The following PHTF2 variants were observed in gnomAD, a reference collection of about 807,000 sequenced individuals.
PHTF2 encodes protein PHTF2.
PHTF2 carries 60 observed loss-of-function variants against 101.2 expected under a neutral mutation model. The ratio of observed to expected loss-of-function variants is 0.59; its 90% confidence interval spans 0.48 to 0.73. The LOEUF (loss-of-function observed/expected upper bound fraction) is 0.73. Among genes scored for constraint, PHTF2 ranks in the 30% least tolerant of loss-of-function variants. The probability of loss-of-function intolerance (pLI) is 0.00; values close to 1 mark genes in which losing one functional copy is unlikely to be tolerated. For synonymous variants in PHTF2, 311 were observed against 307.3 expected (o/e 1.01, Z -0.13); for missense variants, 747 against 908.7 (o/e 0.82, Z 2.29).
chr7:77,900,002 A>AC (rs1801245639), intron 5 of PHTF2, among the ~76,000 whole-genome samples: 1 of 150,468 alleles, frequency 6.6e-6, no homozygotes, highest in South Asian at 2.1e-4. Context: ...TTTGATCTAC[A>AC]CCCCCCACTC....
At chr7:77,814,407 T>C (rs58932206) in intron 1 of PHTF2, among the ~76,000 whole-genome samples, 6,097 of 152,250 alleles carry the variant, frequency 0.04, 418 homozygotes, top group African/African-American at 0.14. Flanking sequence ...CTATAATTCA[T>C]GTCTGAATGA....
chr7:77,874,371 C>T (rs930384567), intron 3 of PHTF2, among the ~76,000 whole-genome samples: 1 of 152,072 alleles, frequency 6.6e-6, no homozygotes, highest in African/African-American at 2.4e-5. Context: ...GGTCAAGGTT[C>T]TCTAGAGGGA....
intron 3 of PHTF2, among the ~76,000 whole-genome samples, chr7:77,890,904 CTTTTTTT>C (rs11442975): frequency 2.2e-5 from 2 of 92,962 alleles, no homozygotes; most frequent in African/African-American, 4.9e-5. Flanking sequence ...CGCACCCGGC[CTTTTTTT>C]TTTTTTTTTT....
At chr7:77,849,240 C>T (rs1796545182) in intron 2 of PHTF2, among the ~76,000 whole-genome samples, 1 of 152,028 alleles carries the variant, frequency 6.6e-6, no homozygotes, top group Admixed American at 6.5e-5. Context: ...TCTCCTGCCT[C>T]AGCCTCCAGA....
intron 3 of PHTF2, among the ~76,000 whole-genome samples, chr7:77,863,859 T>C (rs1326681926): frequency 6.6e-6 from 1 of 150,656 alleles, no homozygotes. Context: ...CGATCATGGC[T>C]CACTGCAGCT....
At chr7:77,887,099 A>G (rs1047245110) in intron 3 of PHTF2, among the ~76,000 whole-genome samples, 1 of 151,544 alleles carries the variant, frequency 6.6e-6, no homozygotes, top group Non-Finnish European at 1.5e-5. Context: ...CAGAAAGGAA[A>G]AGTGCTGTTG....
exon 20 of PHTF2, chr7:77,955,810 A>C (rs2151007660): frequency 6.6e-6 from 1 of 152,596 alleles, no homozygotes; most frequent in Non-Finnish European, 1.5e-5. Context: ...TGAAATGAAC[A>C]ACTGAAGAAT....
chr7:77,834,408 A>T (rs557308992), intron 1 of PHTF2, among the ~76,000 whole-genome samples: 1 of 151,978 alleles, frequency 6.6e-6, no homozygotes, highest in South Asian at 2.1e-4. Flanking sequence ...TAAACTGTTG[A>T]TTGGCTATAC....
chr7:77,869,435 A>T (rs1401820592), intron 3 of PHTF2, among the ~76,000 whole-genome samples: 1 of 152,164 alleles, frequency 6.6e-6, no homozygotes, highest in South Asian at 2.1e-4. Flanking sequence ...AGTCTCCTGT[A>T]TTACTCTCTA....
intron 1 of PHTF2, among the ~76,000 whole-genome samples, chr7:77,829,823 A>G (rs1393985314): frequency 6.6e-6 from 1 of 152,248 alleles, no homozygotes; most frequent in Non-Finnish European, 1.5e-5. Flanking sequence ...TAGATCTGCA[A>G]TATGTAAAAC....
intron 2 of PHTF2, among the ~76,000 whole-genome samples, chr7:77,850,391 G>T (rs1373473648): frequency 4.9e-5 from 6 of 122,160 alleles, no homozygotes; most frequent in Admixed American, 2.6e-4. Context: ...AAAAAGGCAC[G>T]ATGGCTCACA....
intron 1 of PHTF2, among the ~76,000 whole-genome samples, chr7:77,822,342 T>C (rs1794357315): frequency 2.0e-5 from 3 of 152,072 alleles, no homozygotes; most frequent in Admixed American, 6.5e-5. Flanking sequence ...GCCCCAGTGC[T>C]AGAGAAGTTC....
chr7:77,884,657 T>C (rs1405811487), intron 3 of PHTF2, among the ~76,000 whole-genome samples: 1 of 152,156 alleles, frequency 6.6e-6, no homozygotes, highest in Non-Finnish European at 1.5e-5. Context: ...AGCACTCTGG[T>C]AGGCCGAGGC....
At chr7:77,829,759 T>C (rs950577687) in intron 1 of PHTF2, among the ~76,000 whole-genome samples, 11 of 152,218 alleles carry the variant, frequency 7.2e-5, no homozygotes, top group African/African-American at 2.4e-4. Context: ...TATTTAACTT[T>C]AGCATTTAGG....
intron 1 of PHTF2, among the ~76,000 whole-genome samples, chr7:77,822,492 C>G (rs1794369529): frequency 6.6e-6 from 1 of 152,154 alleles, no homozygotes; most frequent in African/African-American, 2.4e-5. Context: ...TAATCTGGGG[C>G]AGCGCAGCTG....
At chr7:77,871,187 G>A (rs1352470111) in intron 3 of PHTF2, among the ~76,000 whole-genome samples, 4 of 152,098 alleles carry the variant, frequency 2.6e-5, no homozygotes, top group Non-Finnish European at 5.9e-5. Flanking sequence ...GTCATTTGTA[G>A]TCCTGCCTGA....
chr7:77,818,106 G>A (rs1379123421), intron 1 of PHTF2, among the ~76,000 whole-genome samples: 22 of 143,822 alleles, frequency 1.5e-4, no homozygotes, highest in Non-Finnish European at 2.1e-4. Context: ...GCAAAACTCC[G>A]TCTCAAAAAA....
chr7:77,927,177 A>AAAATAT (rs1554388762), intron 11 of PHTF2, among the ~76,000 whole-genome samples: 22 of 78,152 alleles, frequency 2.8e-4, no homozygotes, highest in Non-Finnish European at 4.9e-4. Flanking sequence ...AAAAAAAAAA[A>AAAATAT]ATATATATAT....
At chr7:77,818,257 T>C (rs982614296) in intron 1 of PHTF2, among the ~76,000 whole-genome samples, 3 of 152,268 alleles carry the variant, frequency 2.0e-5, no homozygotes, top group African/African-American at 7.2e-5. Context: ...CAAAAGCTTT[T>C]TGTTTTTATA....
Sources: gnomAD v4.1 joint callset for allele counts (sites outside exome capture counted in the v4.1 genomes callset) on GRCh38, gnomAD v4.1.1 for gene constraint, MANE v1.5 for transcripts, NCBI Gene and HGNC (gene_info 2026-07-23, HGNC 2026-07-21) for gene names.